EIF2AK2: variants seen among roughly 807,000 people sequenced by gnomAD.
The protein encoded by EIF2AK2 is interferon-induced, double-stranded RNA-activated protein kinase.
In EIF2AK2, 40 loss-of-function variants were observed where a neutral mutation model predicts 70.5. The ratio of observed to expected loss-of-function variants is 0.57; its 90% CI spans 0.44 to 0.74. The LOEUF (loss-of-function observed/expected upper bound fraction) is 0.74. EIF2AK2 is among the 30% of genes least tolerant of loss of function. EIF2AK2 has a pLI of 0.00. For missense variants in EIF2AK2, 555 were observed against 644.3 expected (o/e 0.86, Z 1.50); for synonymous variants, 198 against 220.9 (o/e 0.90, Z 0.92).
intron 6 of EIF2AK2, among the ~76,000 whole-genome samples, chr2:37,139,298 G>C (rs1675240449): frequency 1.4e-5 from 2 of 146,058 alleles, no homozygotes; most frequent in Admixed American, 1.4e-4. Flanking sequence ...CTGGGCAACA[G>C]AGCGAGATTC....
rs151252401 is a variant in EIF2AK2, at chr2:37,132,902, G to A, written c.785+2582C>T. ...TTTTGGTTCTGGTTGATACCTTTTC[G>A]GCATGGGTTGAGGCTTTTCCGAAAA... On this transcript the variant is annotated intron_variant, in intron 10 of 16. Transcript: ENST00000233057. Among the ~76,000 whole-genome samples, 19 of 152,184 alleles carry A rather than the reference G, an allele frequency of 1.2e-4. 1 individual carries two copies. The East Asian group carries it at 2.7e-3, about 22-fold the overall frequency.
At chr2:37,118,842 C>G (rs1456101236) in intron 13 of EIF2AK2, among the ~76,000 whole-genome samples, 1 of 152,208 alleles carries the variant, frequency 6.6e-6, no homozygotes, top group African/African-American at 2.4e-5. Flanking sequence ...GAACTTATTT[C>G]TCTCAAGGAA....
At chr2:37,133,187 T>A (rs1675007903) in intron 10 of EIF2AK2, among the ~76,000 whole-genome samples, 1 of 152,292 alleles carries the variant, frequency 6.6e-6, no homozygotes, top group Admixed American at 6.5e-5. Flanking sequence ...AAGACTGGGT[T>A]ACACTTCTAG....
In EIF2AK2 at chr2:37,111,580, G is replaced by A. The variant is rs184978846; in HGVS notation, c.1378-2285C>T. ...AAAAATATAAACAATATGACCAGGC[G>A]CCGTGGCTCATTCCTGTAATCCTAG... On this transcript the variant is annotated intron_variant, in intron 14 of 16. Coordinates refer to ENST00000233057, the MANE Select transcript of EIF2AK2 (RefSeq NM_001135651.3). Among the ~76,000 whole-genome samples, 332 of 151,006 alleles carry A rather than the reference G, an allele frequency of 2.2e-3. 4 individuals carry two copies. Among genetic ancestry groups the A allele is most frequent in the Non-Finnish European group, 8.6e-4 (58 of 67,760 alleles).
chr2:37,142,321 C>T (rs1319102892), intron 4 of EIF2AK2, among the ~76,000 whole-genome samples: 2 of 151,934 alleles, frequency 1.3e-5, no homozygotes, highest in African/African-American at 4.8e-5. Context: ...TTTGTAGAGA[C>T]AGCGTTTGGC....
chr2:37,142,131 TA>T (rs201947556), intron 4 of EIF2AK2, among the ~76,000 whole-genome samples: 33 of 118,784 alleles, frequency 2.8e-4, no homozygotes, highest in African/African-American at 1.2e-3. Flanking sequence ...AAAGTTTTGA[TA>T]TTTTTTTAAT....
chr2:37,149,144 C>T (rs893012067), intron 1 of EIF2AK2, 121 bp from the exon 2 acceptor site: 2 of 935,956 alleles, frequency 2.1e-6, no homozygotes, highest in Non-Finnish European at 3.6e-6. Context: ...TTGGGATGGA[C>T]CTCGATGCCT....
At chr2:37,149,364 A>AAC in intron 1 of EIF2AK2, 1 of 604,924 alleles carries the variant, frequency 1.7e-6, no homozygotes, top group South Asian at 2.0e-5. Flanking sequence ...CGGTTACTCT[A>AAC]AGATACATTT....
chr2:37,138,705 C>A, intron 6 of EIF2AK2, 120 bp from the exon 7 acceptor site: 1 of 771,250 alleles, frequency 1.3e-6, no homozygotes, highest in South Asian at 1.9e-5. Context: ...CAACCATAAA[C>A]AATTACAAGA....
intron 5 of EIF2AK2, among the ~76,000 whole-genome samples, chr2:37,140,101 C>T (rs1675276602): frequency 6.6e-6 from 1 of 151,884 alleles, no homozygotes; most frequent in Non-Finnish European, 1.5e-5. Flanking sequence ...GAAAGAGATC[C>T]AGTGAATTTT....
intron 12 of EIF2AK2, 32 bp from the exon 13 acceptor site, chr2:37,120,171 A>G (rs372349308): frequency 1.6e-4 from 201 of 1,266,184 alleles, no homozygotes; most frequent in Non-Finnish European, 1.9e-4. Context: ...TGTTAAAAGT[A>G]ACAATAAATA....
chr2:37,119,340 G>A (rs962691300), intron 13 of EIF2AK2, among the ~76,000 whole-genome samples: 3 of 152,008 alleles, frequency 2.0e-5, no homozygotes, highest in South Asian at 2.1e-4. Context: ...GACAGCCCTC[G>A]CGAGTAATGA....
Position 37,102,584 on chromosome 2 carries a change from C to A in EIF2AK2, c.*4689G>T, listed in dbSNP as rs1673852658. On this transcript the variant is annotated 3_prime_UTR_variant, in exon 17 of 17. Coordinates refer to ENST00000233057, the MANE Select transcript of EIF2AK2 (RefSeq NM_001135651.3). Reference sequence around the variant, plus strand: ...TTAAACATTTCTTCTCAGATACATACATGCATATATATGTATTATATAAAA... The same window carrying A: ...TTAAACATTTCTTCTCAGATACATAAATGCATATATATGTATTATATAAAA... 1 of 152,162 alleles carries A rather than the reference C, an allele frequency of 6.6e-6. No homozygotes were observed. Among genetic ancestry groups the A allele is most frequent in the Admixed American group, 6.5e-5 (1 of 15,280 alleles). 9.4% of individuals were successfully genotyped at this position (152,162 alleles called of 1,614,324 possible).
chr2:37,130,226 T>C (rs1161052629), intron 10 of EIF2AK2, among the ~76,000 whole-genome samples: 2 of 152,122 alleles, frequency 1.3e-5, no homozygotes, highest in Non-Finnish European at 2.9e-5. Flanking sequence ...CTCAGCCTCT[T>C]GAGTAGCTGG....
At chr2:37,135,729 G>A (rs1250923922) in intron 9 of EIF2AK2, among the ~76,000 whole-genome samples, 183 bp from the exon 10 acceptor site, 1 of 152,106 alleles carries the variant, frequency 6.6e-6, no homozygotes, top group Non-Finnish European at 1.5e-5. Flanking sequence ...TCTGGGCTCA[G>A]AGGAGATCCT....
intron 1 of EIF2AK2, among the ~76,000 whole-genome samples, chr2:37,151,958 C>T (rs927579638): frequency 4.6e-5 from 7 of 152,160 alleles, no homozygotes; most frequent in Admixed American, 3.3e-4. Context: ...CCCAGCTACT[C>T]GCGAGGCTGA....
rs771804687 is a variant in EIF2AK2, at chr2:37,114,716, G to A, written c.1377+15C>T. ...AAAAGAAGTAAAATATAGACAGACA[G>A]GAAAGAGACCTTACCTGTTCTGGGC... On this transcript the variant is annotated intron_variant, in intron 14 of 16. Transcript: ENST00000233057. 1.3e-6 allele frequency: 2 copies of A among 1,533,392 alleles called. No homozygotes were observed. The highest frequency in any genetic ancestry group is 2.6e-5 in the South Asian group (2 of 76,304). The allele number at this position is 1,533,392 out of a possible 1,614,324, so 95.0% of individuals were successfully genotyped here.
intron 11 of EIF2AK2, 55 bp from the exon 12 acceptor site, chr2:37,122,719 C>A: frequency 6.3e-7 from 1 of 1,595,514 alleles, no homozygotes; most frequent in South Asian, 1.1e-5. Context: ...CTCATAACAA[C>A]CACAAAACAC....
Position 37,147,567 on chromosome 2 carries a change from G to GT in EIF2AK2, c.119+120dup, listed in dbSNP as rs4648162. 4.7e-3 allele frequency: 2,527 copies of GT among 539,400 alleles called. 87 individuals are homozygous for GT. The East Asian group carries it at 0.07, about 15-fold the overall frequency. 33.4% of individuals were successfully genotyped at this position (539,400 alleles called of 1,614,324 possible). A position where few individuals can be genotyped will look rare whatever the true frequency, so the allele number is the denominator to read the frequency against. ...TATGAGTGAGAACATGCGGTGTTTG[G>GT]TTTTTTTGTCCTTGCGATAGTTTGC... is the stretch of plus-strand genomic sequence containing the variant. On this transcript the variant is annotated intron_variant, in intron 3 of 16. Coordinates refer to ENST00000233057, the MANE Select transcript of EIF2AK2 (RefSeq NM_001135651.3).
Sources: gnomAD v4.1 joint callset for allele counts (sites outside exome capture counted in the v4.1 genomes callset) on GRCh38, gnomAD v4.1.1 for gene constraint, MANE v1.5 for transcripts, NCBI Gene and HGNC (gene_info 2026-07-23, HGNC 2026-07-21) for gene names.